The following DGKB variants were observed in gnomAD, a reference collection of about 807,000 sequenced individuals.
DGKB encodes 90 kDa diacylglycerol kinase.
A neutral mutation model predicts 114.3 loss-of-function variants in DGKB; 67 were observed. That is an observed-to-expected ratio of 0.59 (90% CI 0.48 to 0.72). The LOEUF is 0.72. DGKB is among the 30% of genes least tolerant of loss of function. DGKB has a pLI of 0.00. For missense variants in DGKB, 907 were observed against 975.2 expected, an observed-to-expected ratio of 0.93 and a Z score of 0.93; for synonymous variants, 398 against 323.1, an observed-to-expected ratio of 1.23 and a Z score of -2.49.
chr7:14,495,787 C>T (rs1222667071), intron 20 of DGKB, among the ~76,000 whole-genome samples: 1 of 151,694 alleles, frequency 6.6e-6, no homozygotes, highest in Non-Finnish European at 1.5e-5. Flanking sequence ...CCTAGCTAGA[C>T]AAAGATTCCC....
At chr7:14,546,400 C>G (rs1165962489) in intron 20 of DGKB, among the ~76,000 whole-genome samples, 1 of 152,092 alleles carries the variant, frequency 6.6e-6, no homozygotes, top group Non-Finnish European at 1.5e-5. Context: ...CCTCTTCTTT[C>G]GCGTGACTGT....
At chr7:14,908,106 G>A (rs537071166), upstream of DGKB, among the ~76,000 whole-genome samples, 1 of 152,126 alleles carries the variant, frequency 6.6e-6, no homozygotes, top group Non-Finnish European at 1.5e-5. Flanking sequence ...TTTAGCAATG[G>A]TCATCCACAC....
intron 8 of DGKB, among the ~76,000 whole-genome samples, chr7:14,695,893 C>T (rs1179534309): frequency 6.6e-6 from 1 of 152,004 alleles, no homozygotes; most frequent in African/African-American, 2.4e-5. Context: ...AAGCCTTAGG[C>T]AAGATGACAA....
intron 21 of DGKB, among the ~76,000 whole-genome samples, chr7:14,362,295 C>G (rs1815901468): frequency 6.6e-6 from 1 of 151,982 alleles, no homozygotes; most frequent in South Asian, 2.1e-4. Flanking sequence ...AGCAGGACCT[C>G]TATTTCTTAT....
At chr7:14,531,014 T>C (rs1001267031) in intron 20 of DGKB, among the ~76,000 whole-genome samples, 5 of 151,540 alleles carry the variant, frequency 3.3e-5, no homozygotes, top group African/African-American at 1.2e-4. Context: ...CATCTCCAAA[T>C]ATTGTCACAG....
intron 23 of DGKB, among the ~76,000 whole-genome samples, chr7:14,195,739 T>G (rs1784919248): frequency 6.6e-6 from 1 of 152,150 alleles, no homozygotes; most frequent in Non-Finnish European, 1.5e-5. Flanking sequence ...ATAAACTTAA[T>G]AATGCTGAAC....
At chr7:14,653,206 G>A (rs546980359) in intron 13 of DGKB, among the ~76,000 whole-genome samples, 87 of 149,188 alleles carry the variant, frequency 5.8e-4, no homozygotes, top group Middle Eastern at 3.5e-3. Flanking sequence ...ACATGCACAC[G>A]TATGTTTATT....
chr7:14,928,464 G>A (rs983888385), intron 1 of DGKB, among the ~76,000 whole-genome samples: 8 of 151,792 alleles, frequency 5.3e-5, no homozygotes, highest in African/African-American at 1.4e-4. Context: ...GAATTTCTCT[G>A]TTCTTTCACA....
intron 1 of DGKB, among the ~76,000 whole-genome samples, chr7:14,845,173 C>T (rs569641922): frequency 6.7e-6 from 1 of 148,170 alleles, no homozygotes; most frequent in African/African-American, 2.5e-5. Context: ...AAATATCCCC[C>T]AGTTCATTAT....
At chr7:14,439,585 G>C (rs1583950077) in intron 21 of DGKB, among the ~76,000 whole-genome samples, 1 of 151,864 alleles carries the variant, frequency 6.6e-6, no homozygotes, top group South Asian at 2.1e-4. Context: ...ATAAACATTA[G>C]AGGCACAGTG....
In DGKB at chr7:14,148,773, T is replaced by G; in HGVS notation, c.*358A>C. On this transcript the variant is annotated 3_prime_UTR_variant, in exon 26 of 26. Coordinates refer to ENST00000402815, the MANE Select transcript of DGKB (RefSeq NM_001350709.2). Reference sequence around the variant, plus strand: ...GTAATAATTGGAATCACACTGAGAATCACGTTTCCCATGGTATTTCCTTTT... The same window carrying G: ...GTAATAATTGGAATCACACTGAGAAGCACGTTTCCCATGGTATTTCCTTTT... The G allele has an allele frequency of 3.3e-6, 1 of 307,402 alleles. No homozygotes were observed. The allele number at this position is 307,402 out of a possible 1,614,324, so 19.0% of individuals were successfully genotyped here. A position where few individuals can be genotyped will look rare whatever the true frequency, so the allele number is the denominator to read the frequency against.
intron 1 of DGKB, among the ~76,000 whole-genome samples, chr7:14,944,453 T>A (rs1416347527): frequency 1.3e-5 from 2 of 151,960 alleles, no homozygotes; most frequent in Non-Finnish European, 2.9e-5. Context: ...TTTTGAAAAT[T>A]AGAAGTTCAT....
intron 19 of DGKB, among the ~76,000 whole-genome samples, chr7:14,576,963 C>G (rs796920076): frequency 6.6e-6 from 1 of 152,132 alleles, no homozygotes; most frequent in Admixed American, 6.5e-5. Flanking sequence ...GAACTGTAGT[C>G]CCCCATTTAA....
intron 20 of DGKB, among the ~76,000 whole-genome samples, chr7:14,507,628 G>A (rs947228187): frequency 6.6e-6 from 1 of 152,030 alleles, no homozygotes; most frequent in Non-Finnish European, 1.5e-5. Context: ...TTTCTTTTCA[G>A]GTATCCAGGG....
intron 16 of DGKB, among the ~76,000 whole-genome samples, chr7:14,608,354 A>T (rs915716650): frequency 6.6e-6 from 1 of 152,080 alleles, no homozygotes; most frequent in African/African-American, 2.4e-5. Flanking sequence ...TTATCTCAAT[A>T]GATGCAGAAA....
At chr7:14,374,568 C>T (rs1818188096) in intron 21 of DGKB, among the ~76,000 whole-genome samples, 1 of 152,170 alleles carries the variant, frequency 6.6e-6, no homozygotes, top group South Asian at 2.1e-4. Flanking sequence ...CCTTCAGAGA[C>T]TTCATTTGAA....
chr7:14,435,174 T>G (rs1313866310), intron 21 of DGKB, among the ~76,000 whole-genome samples: 1 of 152,286 alleles, frequency 6.6e-6, no homozygotes, highest in South Asian at 2.1e-4. Context: ...TTTTTCCTAC[T>G]ATTTCTCCAG....
intron 25 of DGKB, among the ~76,000 whole-genome samples, chr7:14,155,211 C>T (rs1328880287): frequency 6.6e-6 from 1 of 151,910 alleles, no homozygotes; most frequent in African/African-American, 2.4e-5. Flanking sequence ...TTTTCTAGGC[C>T]CCCAAAACAC....
chr7:14,807,491 C>T (rs994648755), intron 2 of DGKB, among the ~76,000 whole-genome samples: 10 of 151,938 alleles, frequency 6.6e-5, no homozygotes, highest in South Asian at 2.1e-4. Flanking sequence ...TTTTCTCCTA[C>T]TCTGTCCCAT....
Sources: allele counts gnomAD v4.1 joint callset (sites outside exome capture counted in the v4.1 genomes callset), GRCh38; gene constraint gnomAD v4.1.1; transcripts MANE v1.5; gene names NCBI Gene and HGNC (gene_info 2026-07-23, HGNC 2026-07-21).